Variants in MYO5B observed in about 807,000 individuals in gnomAD.
MYO5B encodes the protein myosin VB.
Under a neutral mutation model 229.3 loss-of-function variants are expected in MYO5B, and 143 were observed. The observed-to-expected ratio is 0.62, with a 90% CI of 0.54 to 0.72. The LOEUF is 0.72. Ranked by LOEUF, MYO5B falls within the 30% of genes least tolerant of loss-of-function variation. MYO5B has a pLI of 0.00. For synonymous variants in MYO5B, 918 were observed against 885.2 expected, an observed-to-expected ratio of 1.04 and a Z score of -0.66; for missense variants, 2,321 against 2,331.0, an observed-to-expected ratio of 1.00 and a Z score of 0.09.
chr18:49,962,888 C>G, intron 11 of MYO5B, 61 bp downstream of exon 11: 1 of 1,394,246 alleles, frequency 7.2e-7, no homozygotes, highest in East Asian at 2.3e-5. Context: ...AGTGGCCTGT[C>G]TGTCCCTCCC....
chr18:50,119,474 C>T (rs1422900846), intron 1 of MYO5B, among the ~76,000 whole-genome samples: 2 of 152,180 alleles, frequency 1.3e-5, no homozygotes, highest in African/African-American at 2.4e-5. Context: ...ATCTCGTGGG[C>T]TGTAGAAGTT....
At chr18:50,191,506 C>T (rs915270011) in intron 1 of MYO5B, among the ~76,000 whole-genome samples, 8 of 152,186 alleles carry the variant, frequency 5.3e-5, no homozygotes, top group Non-Finnish European at 8.8e-5. Context: ...TTCAGACTCC[C>T]ACTACTTCAT....
intron 17 of MYO5B, among the ~76,000 whole-genome samples, chr18:49,919,166 G>T (rs770456236): frequency 6.6e-6 from 1 of 152,126 alleles, no homozygotes; most frequent in African/African-American, 2.4e-5. Context: ...ATGAGACTGG[G>T]CTCTTACATG....
intron 7 of MYO5B, among the ~76,000 whole-genome samples, chr18:49,986,673 C>T (rs764445751): frequency 2.0e-5 from 3 of 152,210 alleles, no homozygotes; most frequent in Non-Finnish European, 4.4e-5. Flanking sequence ...AGCACCGGCA[C>T]AGAGCAATAC....
At position 49,906,472 on chromosome 18, in the gene MYO5B, C is replaced by G; in HGVS notation, c.2361G>C (p.Leu787=). ...GWLQKVKYHR[L]KGATLTLQRY... The stretch of plus-strand genomic sequence containing the variant: ...TCTGCAGGGTTAAGGTAGCCCCCTT[C>G]AGCCTGTGATATTTCACCTTCTGCA... The change falls in exon 19 of 40, where the codon CTG becomes CTC. Residue 787 remains leucine, a synonymous_variant. Transcript: ENST00000285039. The G allele has an allele frequency of 6.2e-7, 1 of 1,614,204 alleles. No individual in the cohort carries two copies. The highest frequency in any genetic ancestry group is 1.3e-5 in the African/African-American group (1 of 75,056).
chr18:50,123,032 T>G (rs2032096040), intron 1 of MYO5B, among the ~76,000 whole-genome samples: 1 of 152,212 alleles, frequency 6.6e-6, no homozygotes, highest in Admixed American at 6.5e-5. Flanking sequence ...AATGGCAGCA[T>G]TATTCACAAC....
At chr18:50,172,565 G>T (rs1422238471) in intron 1 of MYO5B, among the ~76,000 whole-genome samples, 1 of 152,208 alleles carries the variant, frequency 6.6e-6, no homozygotes, top group Non-Finnish European at 1.5e-5. Flanking sequence ...TCTGTAAAAT[G>T]ATTCAGACAA....
At chr18:50,156,587 CCT>C (rs1408069798) in intron 1 of MYO5B, among the ~76,000 whole-genome samples, 1 of 152,194 alleles carries the variant, frequency 6.6e-6, no homozygotes, top group African/African-American at 2.4e-5. Context: ...AATTAAAAAA[CCT>C]CTTTCCTTTA....
At chr18:50,074,474 G>A (rs1395471751) in intron 1 of MYO5B, among the ~76,000 whole-genome samples, 2 of 152,266 alleles carry the variant, frequency 1.3e-5, no homozygotes, top group South Asian at 2.1e-4. Context: ...ACTCCTCAAT[G>A]AGGCTCTTGA....
intron 1 of MYO5B, among the ~76,000 whole-genome samples, chr18:50,148,290 T>C (rs2032537996): frequency 6.7e-6 from 1 of 150,162 alleles, no homozygotes; most frequent in Admixed American, 6.6e-5. Flanking sequence ...TCTGAAACTA[T>C]TCCAATCAAT....
intron 1 of MYO5B, among the ~76,000 whole-genome samples, chr18:50,105,617 T>C (rs966072479): frequency 3.9e-5 from 6 of 152,008 alleles, no homozygotes; most frequent in Non-Finnish European, 8.8e-5. Context: ...AAAATTACTA[T>C]GTTTGCAGGG....
Position 50,122,832 on chromosome 18 carries a change from G to GGAAATTGGAA in MYO5B, c.28-67455_28-67454insTTCCAATTTC, listed in dbSNP as rs1358341823. ...TAGAAAATAAGGTGTCAACAAAGATGTAGAGAAATTGGAACCCTCAGACAT... is the reference window on the plus strand; with the variant it reads ...TAGAAAATAAGGTGTCAACAAAGATGGAAATTGGAATAGAGAAATTGGAACCCTCAGACAT... On this transcript the variant is annotated intron_variant, in intron 1 of 39. Transcript: ENST00000285039. 3.3e-3 allele frequency among the ~76,000 whole-genome samples: 497 copies of GGAAATTGGAA among 152,292 alleles called. 4 individuals are homozygous for GGAAATTGGAA. Among genetic ancestry groups the GGAAATTGGAA allele is most frequent in the African/African-American group, 0.011 (466 of 41,552 alleles).
chr18:50,039,324 T>C (rs1268111103), intron 3 of MYO5B, among the ~76,000 whole-genome samples: 3 of 151,868 alleles, frequency 2.0e-5, no homozygotes, highest in Non-Finnish European at 2.9e-5. Flanking sequence ...GTTTATTTCG[T>C]TGTTTTGTTT....
intron 23 of MYO5B, chr18:49,879,439 T>C: frequency 2.7e-6 from 1 of 374,890 alleles, no homozygotes; most frequent in Non-Finnish European, 5.1e-6. Flanking sequence ...TCCACACTCC[T>C]TTCCTAGTCC....
intron 10 of MYO5B, among the ~76,000 whole-genome samples, chr18:49,966,556 T>C (rs1416688613): frequency 2.6e-5 from 4 of 152,116 alleles, no homozygotes; most frequent in Admixed American, 2.6e-4. Flanking sequence ...ATTGAATTAA[T>C]AAAACCTAGG....
chr18:49,836,972 C>T (rs1427417744), intron 37 of MYO5B, 87 bp from the exon 38 acceptor site: 1 of 1,293,928 alleles, frequency 7.7e-7, no homozygotes. Flanking sequence ...TGCAGGCCCG[C>T]TGCAGCTAGT....
At chr18:49,887,606 G>C (rs2024658649) in intron 22 of MYO5B, among the ~76,000 whole-genome samples, 1 of 152,126 alleles carries the variant, frequency 6.6e-6, no homozygotes, top group African/African-American at 2.4e-5. Flanking sequence ...ACAGATGCCA[G>C]CACTACACTT....
At chr18:50,179,480 C>G (rs115873225) in intron 1 of MYO5B, among the ~76,000 whole-genome samples, 2,596 of 152,248 alleles carry the variant, frequency 0.017, 71 homozygotes, top group African/African-American at 0.059. Context: ...TAAGAGGCTG[C>G]CTTCTACAAA....
chr18:49,939,156 T>TC lies in MYO5B; in HGVS notation c.1753-1760_1753-1759insG, dbSNP rs544419751. ...CACTCTTTCTTTTTTTTCTTTTTTT[T>TC]TTTTTTTTTTGAAACAGTCTCGCTC... On this transcript the variant is annotated intron_variant, in intron 14 of 39. Coordinates refer to ENST00000285039, the MANE Select transcript of MYO5B (RefSeq NM_001080467.3). Among the ~76,000 whole-genome samples the TC allele has an allele frequency of 1.8e-3, 267 of 149,120 alleles. 3 individuals carry two copies. The highest frequency in any genetic ancestry group is 3.1e-3 in the Non-Finnish European group (206 of 67,164).
Sources: gnomAD v4.1 joint callset for allele counts (sites outside exome capture counted in the v4.1 genomes callset) on GRCh38, gnomAD v4.1.1 for gene constraint, MANE v1.5 for transcripts, NCBI Gene and HGNC (gene_info 2026-07-23, HGNC 2026-07-21) for gene names.